The following SHC2 variants were observed in gnomAD, a reference collection of about 807,000 sequenced individuals.
The protein encoded by SHC2 is SHC adaptor protein 2, also known as SHC-transforming protein 2.
Under a neutral mutation model 60.6 loss-of-function variants are expected in SHC2, and 62 were observed. That is an observed-to-expected ratio of 1.02 (90% CI 0.83 to 1.26). SHC2 has a LOEUF of 1.26. SHC2 is among the 50% of genes most tolerant of loss of function. The pLI is 0.00. For missense variants in SHC2, 873 were observed against 822.2 expected (o/e 1.06, Z -0.76); for synonymous variants, 375 against 372.4 (o/e 1.01, Z -0.08).
rs1600275982 is a variant in SHC2, at chr19:424,713, G to T, written c.1309+384C>A. On this transcript the variant is annotated intron_variant, in intron 10 of 12. Coordinates refer to ENST00000264554, the MANE Select transcript of SHC2 (RefSeq NM_012435.3). This position sits in a 1 kb window ranked among gnomAD's most constrained non-coding sequence, Gnocchi z 4.5. ...CAGGTGGGTTACCCCCGAGAGAGTGGAGCTTCTCACAGAGCGGGGGCCAGC... is the reference window on the plus strand; with the variant it reads ...CAGGTGGGTTACCCCCGAGAGAGTGTAGCTTCTCACAGAGCGGGGGCCAGC... 6.6e-6 allele frequency among the ~76,000 whole-genome samples: 1 copy of T among 152,312 alleles called. No individual in the cohort carries two copies. The highest frequency in any genetic ancestry group is 1.5e-5 in the Non-Finnish European group (1 of 68,018).
At chr19:451,697 A>C (rs1975203607) in intron 1 of SHC2, among the ~76,000 whole-genome samples, 1 of 152,140 alleles carries the variant, frequency 6.6e-6, no homozygotes, top group South Asian at 2.1e-4. Context: ...TCTTGGGTTC[A>C]AGCGATTCTC....
At position 425,579 on chromosome 19, in the gene SHC2, G is replaced by C. The variant is rs556274498; in HGVS notation, c.1175-348C>G. 3.7e-4 allele frequency among the ~76,000 whole-genome samples: 56 copies of C among 152,340 alleles called. 1 individual carries two copies. The South Asian group carries it at 0.011, about 30-fold the overall frequency. ...CAGGGTCCAGAGCTTCCCAGTGCGT[G>C]TATGTTCAGTCTCCACATTTAAAAA... On this transcript the variant is annotated intron_variant, in intron 9 of 12. Coordinates refer to ENST00000264554, the MANE Select transcript of SHC2 (RefSeq NM_012435.3). The surrounding 1 kb of genome is among the most constrained non-coding windows in gnomAD (Gnocchi z 4.1).
intron 1 of SHC2, among the ~76,000 whole-genome samples, chr19:450,486 C>A (rs2145746824): frequency 6.6e-6 from 1 of 151,472 alleles, no homozygotes; most frequent in East Asian, 1.9e-4. Flanking sequence ...AAACTGACCC[C>A]ACAAAACACT....
At chr19:450,740 T>A (rs1975162543) in intron 1 of SHC2, among the ~76,000 whole-genome samples, 1 of 150,012 alleles carries the variant, frequency 6.7e-6, no homozygotes, top group African/African-American at 2.5e-5. Flanking sequence ...CATGCCTGGG[T>A]CACAGCCTCG....
At chr19:460,476 G>C in intron 1 of SHC2, 53 bp downstream of exon 1, 3 of 1,003,760 alleles carry the variant, frequency 3.0e-6, no homozygotes, top group Non-Finnish European at 3.8e-6. Context: ...GGAGAGGGTG[G>C]GGGAGGGGAG....
chr19:429,805 AC>A (rs1974524435), intron 9 of SHC2, among the ~76,000 whole-genome samples: 2 of 149,022 alleles, frequency 1.3e-5, no homozygotes, highest in South Asian at 4.3e-4. Flanking sequence ...ATGCACGGAA[AC>A]CTCATACCGT....
At chr19:456,301 CTGGGGGA>C (rs1315025746) in intron 1 of SHC2, among the ~76,000 whole-genome samples, 9 of 151,114 alleles carry the variant, frequency 6.0e-5, no homozygotes, top group African/African-American at 2.2e-4. Context: ...GACGGGGCTC[CTGGGGGA>C]CAGCGCTGGG....
chr19:420,209 C>T lies in SHC2; in HGVS notation c.1621-1153G>A, dbSNP rs567394768. Among the ~76,000 whole-genome samples the T allele has an allele frequency of 1.4e-3, 206 of 152,242 alleles. 1 individual carries two copies. Among genetic ancestry groups the T allele is most frequent in the African/African-American group, 4.7e-3 (196 of 41,542 alleles). ...CACCAGGCTAGAGGCTAGGCAGTGG[C>T]GGGGACACCAGAAACAGTCTGAGGG... On this transcript the variant is annotated intron_variant, in intron 11 of 12. Transcript: ENST00000264554.
chr19:431,571 C>A (rs1325482529), intron 8 of SHC2, among the ~76,000 whole-genome samples: 8 of 42,326 alleles, frequency 1.9e-4, no homozygotes, highest in East Asian at 8.2e-4. Flanking sequence ...TGAGTGAGAT[C>A]GTGAGTGAGA....
intron 11 of SHC2, among the ~76,000 whole-genome samples, chr19:420,416 C>T (rs1392267528): frequency 6.6e-6 from 1 of 152,248 alleles, no homozygotes; most frequent in Non-Finnish European, 1.5e-5. Flanking sequence ...GAAAACGCCT[C>T]CTACGCTCTG....
At chr19:419,620 G>A (rs1387667694) in intron 11 of SHC2, 1 of 152,334 alleles carries the variant, frequency 6.6e-6, no homozygotes, top group African/African-American at 2.4e-5. Flanking sequence ...GCCACACCTT[G>A]AGTTCGGACT....
chr19:429,075 A>T (rs1974495741), intron 9 of SHC2, among the ~76,000 whole-genome samples: 1 of 147,682 alleles, frequency 6.8e-6, no homozygotes, highest in Admixed American at 6.8e-5. Context: ...CAGAAACCTC[A>T]TACCGTGTGG....
intron 10 of SHC2, among the ~76,000 whole-genome samples, chr19:423,202 T>TGGGGG (rs1276799315): frequency 1.1e-3 from 30 of 28,440 alleles, no homozygotes; most frequent in African/African-American, 1.4e-3. Context: ...GCCCTGACCC[T>TGGGGG]CACTCCCTGG....
chr19:421,059 A>G (rs938709674), intron 11 of SHC2, among the ~76,000 whole-genome samples: 2 of 150,720 alleles, frequency 1.3e-5, no homozygotes, highest in African/African-American at 4.9e-5. Context: ...AGAAAGAAAG[A>G]AAGGAAAGGA....
At chr19:429,719 G>C (rs1052281703) in intron 9 of SHC2, among the ~76,000 whole-genome samples, 2 of 145,320 alleles carry the variant, frequency 1.4e-5, no homozygotes, top group Non-Finnish European at 3.0e-5. Flanking sequence ...CTAACACCGT[G>C]TGGATGACGC....
intron 2 of SHC2, chr19:439,370 G>C (rs932713970): frequency 1.7e-5 from 6 of 358,550 alleles, no homozygotes; most frequent in African/African-American, 1.3e-4. Flanking sequence ...GTGTGTCCCT[G>C]GCCTCGGCCC....
chr19:422,536 G>C lies in SHC2; in HGVS notation c.1310-80C>G, dbSNP rs1260768865. ...CCGGGACCAGAGCTGGGAGAAACGG[G>C]TTCCCCGGGGAGTCCCTCGTGCACC... On this transcript the variant is annotated intron_variant, in intron 10 of 12. Coordinates refer to ENST00000264554, the MANE Select transcript of SHC2 (RefSeq NM_012435.3). This position sits in a 1 kb window ranked among gnomAD's most constrained non-coding sequence, Gnocchi z 5.0. The C allele has an allele frequency of 8.2e-7, 1 of 1,220,236 alleles. No homozygotes were observed. Among genetic ancestry groups the C allele is most frequent in the African/African-American group, 1.5e-5 (1 of 65,006 alleles). 75.6% of individuals were successfully genotyped at this position (1,220,236 alleles called of 1,614,324 possible).
At position 416,642 on chromosome 19, in the gene SHC2, G is replaced by A. The variant is rs894330874; in HGVS notation, c.*686C>T. 1 of 152,238 alleles carries A rather than the reference G, an allele frequency of 6.6e-6. No homozygotes were observed. Among genetic ancestry groups the A allele is most frequent in the African/African-American group, 2.4e-5 (1 of 41,454 alleles). 9.4% of individuals were successfully genotyped at this position (152,238 alleles called of 1,614,324 possible). On this transcript the variant is annotated 3_prime_UTR_variant, in exon 13 of 13. Transcript: ENST00000264554. ...AAACCGATCCGAACATCCCATCTGG[G>A]TCGACAGCTGGGAGGGCAGGACTGG...
intron 9 of SHC2, among the ~76,000 whole-genome samples, chr19:427,653 G>A (rs1156695830): frequency 2.4e-5 from 2 of 81,956 alleles, no homozygotes; most frequent in African/African-American, 1.1e-4. Flanking sequence ...ACGGCGCACA[G>A]CACACGGAAG....
Sources: gnomAD v4.1 joint callset for allele counts (sites outside exome capture counted in the v4.1 genomes callset) on GRCh38, gnomAD v4.1.1 for gene constraint, Gnocchi (gnomAD v3.1) non-coding constraint, MANE v1.5 for transcripts, NCBI Gene and HGNC (gene_info 2026-07-23, HGNC 2026-07-21) for gene names.